The following RIN2 variants were observed in gnomAD, a reference collection of about 807,000 sequenced individuals.
RIN2 encodes RAB5 interacting protein 2.
In RIN2, 36 loss-of-function variants were observed where a neutral mutation model predicts 78.0. That is an observed-to-expected ratio of 0.46 (90% CI 0.35 to 0.61). The LOEUF (loss-of-function observed/expected upper bound fraction) is 0.61. Ranked by LOEUF, RIN2 falls within the 20% of genes least tolerant of loss-of-function variation. The probability of loss-of-function intolerance (pLI) is 0.00; values close to 1 mark genes in which losing one functional copy is unlikely to be tolerated. For synonymous variants in RIN2, 466 were observed against 466.8 expected (o/e 1.00, Z 0.02); for missense variants, 1,087 against 1,159.7 (o/e 0.94, Z 0.91).
chr20:19,814,261 T>C (rs2035692986), intron 2 of RIN2, among the ~76,000 whole-genome samples: 1 of 152,086 alleles, frequency 6.6e-6, no homozygotes, highest in Admixed American at 6.6e-5. Flanking sequence ...AAATAAATCA[T>C]GTTAAGTAAG....
intron 1 of RIN2, among the ~76,000 whole-genome samples, chr20:19,764,555 G>A (rs73291511): frequency 0.062 from 9,450 of 152,192 alleles, 801 homozygotes; most frequent in African/African-American, 0.19. Context: ...AATGTTTATC[G>A]CTTCAGCGAT....
Position 20,002,427 on chromosome 20 carries a change from A to G in RIN2, c.*1491A>G, listed in dbSNP as rs1348589097. On this transcript the variant is annotated 3_prime_UTR_variant, in exon 13 of 13. Coordinates refer to ENST00000255006, the MANE Select transcript of RIN2 (RefSeq NM_018993.4). ...TAATACATTGTAATACTGTATGATA[A>G]TCATGTGTGAAAATAATTTTTGAAA... The G allele has an allele frequency of 2.0e-5, 3 of 152,224 alleles. No individual in the cohort carries two copies. Among genetic ancestry groups the G allele is most frequent in the African/African-American group, 7.3e-5 (3 of 41,312 alleles). 9.4% of individuals were successfully genotyped at this position (152,224 alleles called of 1,614,324 possible).
At chr20:19,810,903 G>A (rs1180698259) in intron 2 of RIN2, among the ~76,000 whole-genome samples, 10 of 149,780 alleles carry the variant, frequency 6.7e-5, no homozygotes, top group Non-Finnish European at 1.3e-4. Flanking sequence ...AGTAGAGACA[G>A]GGTTTCACCG....
chr20:19,846,796 C>G (rs375953886), intron 2 of RIN2, among the ~76,000 whole-genome samples: 1 of 152,080 alleles, frequency 6.6e-6, no homozygotes, highest in African/African-American at 2.4e-5. Context: ...TGTCTTGTGC[C>G]GGTTTTCAAA....
intron 2 of RIN2, among the ~76,000 whole-genome samples, chr20:19,878,058 G>T (rs1600680838): frequency 6.6e-6 from 1 of 152,132 alleles, no homozygotes; most frequent in African/African-American, 2.4e-5. Flanking sequence ...CCATTCTGTT[G>T]TGAGCCCTAA....
chr20:19,906,417 C>G (rs2039221246), intron 3 of RIN2, among the ~76,000 whole-genome samples: 1 of 152,178 alleles, frequency 6.6e-6, no homozygotes, highest in South Asian at 2.1e-4. Flanking sequence ...CCACTGCACT[C>G]CAGAGCCTGG....
chr20:19,992,931 T>A (rs868365716), intron 11 of RIN2, among the ~76,000 whole-genome samples: 1 of 152,204 alleles, frequency 6.6e-6, no homozygotes, highest in Non-Finnish European at 1.5e-5. Flanking sequence ...TTTAAGTATC[T>A]TTTCATTTTT....
In RIN2 at chr20:19,837,168, C is replaced by A. The variant is rs796974717; in HGVS notation, c.-37+37421C>A. Reference sequence around the variant, plus strand: ...ACTGAACATCACACACCGCCCCCCCCAACACACACACACACACACACACAC... The same window carrying A: ...ACTGAACATCACACACCGCCCCCCCAAACACACACACACACACACACACAC... On this transcript the variant is annotated intron_variant, in intron 2 of 12. Coordinates refer to ENST00000255006, the MANE Select transcript of RIN2 (RefSeq NM_018993.4). Among the ~76,000 whole-genome samples the A allele has an allele frequency of 8.2e-3, 751 of 91,492 alleles. 1 individual carries two copies. The highest frequency in any genetic ancestry group is 0.035 in the African/African-American group (633 of 18,060). The allele number at this position is 91,492 out of a possible 152,430, so 60.0% of individuals were successfully genotyped here.
chr20:19,809,147 T>C (rs891176915), intron 2 of RIN2: 2 of 152,320 alleles, frequency 1.3e-5, no homozygotes, highest in Non-Finnish European at 2.9e-5. Context: ...AAGTGACTGA[T>C]GCAAACCACG....
chr20:19,877,179 T>C (rs1209660417), intron 2 of RIN2, among the ~76,000 whole-genome samples: 1 of 152,164 alleles, frequency 6.6e-6, no homozygotes, highest in East Asian at 1.9e-4. Context: ...AAGAGAGGGA[T>C]GCCTTGTTTT....
chr20:19,794,573 G>A (rs1174829557), intron 1 of RIN2, among the ~76,000 whole-genome samples: 3 of 146,414 alleles, frequency 2.0e-5, no homozygotes, highest in Non-Finnish European at 3.0e-5. Flanking sequence ...GTGATACTAG[G>A]TAATGATGAA....
chr20:19,956,900 C>G, intron 5 of RIN2, 93 bp downstream of exon 5: 1 of 1,119,442 alleles, frequency 8.9e-7, no homozygotes. Flanking sequence ...GAAATTTCTT[C>G]CTAGCTTGTA....
intron 2 of RIN2, among the ~76,000 whole-genome samples, chr20:19,850,273 A>C (rs1257505699): frequency 6.6e-6 from 1 of 152,038 alleles, no homozygotes; most frequent in Non-Finnish European, 1.5e-5. Context: ...ACACAGAATC[A>C]CATGAGAGCC....
intron 2 of RIN2, among the ~76,000 whole-genome samples, chr20:19,859,951 G>A (rs1011253134): frequency 6.6e-6 from 1 of 152,196 alleles, no homozygotes; most frequent in African/African-American, 2.4e-5. Flanking sequence ...AAGGAAGCCA[G>A]TATAGAGTGT....
At chr20:19,783,254 C>G (rs1472959499) in intron 1 of RIN2, among the ~76,000 whole-genome samples, 1 of 152,198 alleles carries the variant, frequency 6.6e-6, no homozygotes, top group Admixed American at 6.5e-5. Context: ...TAAATTCCTG[C>G]TCATTTATTA....
At chr20:19,853,623 C>T (rs1269828771) in intron 2 of RIN2, among the ~76,000 whole-genome samples, 1 of 152,212 alleles carries the variant, frequency 6.6e-6, no homozygotes, top group African/African-American at 2.4e-5. Flanking sequence ...TTGCATTTCT[C>T]TGATGGCCAG....
chr20:19,795,205 AAT>A (rs1470159362), intron 1 of RIN2, among the ~76,000 whole-genome samples: 1 of 152,170 alleles, frequency 6.6e-6, no homozygotes, highest in Non-Finnish European at 1.5e-5. Context: ...TTCTGTTTTT[AAT>A]ATGTCATTAT....
intron 11 of RIN2, among the ~76,000 whole-genome samples, chr20:19,993,860 G>A (rs758986866): frequency 7.2e-5 from 11 of 152,120 alleles, no homozygotes; most frequent in Non-Finnish European, 1.5e-4. Flanking sequence ...TTCGAGCTTC[G>A]ATCATGTTTA....
intron 3 of RIN2, among the ~76,000 whole-genome samples, chr20:19,930,474 A>G (rs965966407): frequency 6.6e-6 from 1 of 152,234 alleles, no homozygotes; most frequent in Non-Finnish European, 1.5e-5. Flanking sequence ...ACTGATGCCC[A>G]TTCTGATGAG....
Sources: allele counts gnomAD v4.1 joint callset (sites outside exome capture counted in the v4.1 genomes callset), GRCh38; gene constraint gnomAD v4.1.1; transcripts MANE v1.5; gene names NCBI Gene and HGNC (gene_info 2026-07-23, HGNC 2026-07-21).